Variants in SH3KBP1 observed in about 807,000 individuals in gnomAD.
The protein encoded by SH3KBP1 is SH3 domain-containing kinase-binding protein 1.
In SH3KBP1, 8 loss-of-function variants were observed where a neutral mutation model predicts 50.1. The observed-to-expected ratio is 0.16, with a 90% CI of 0.09 to 0.29. SH3KBP1 has a LOEUF of 0.29. Among genes scored for constraint, SH3KBP1 ranks in the 10% least tolerant of loss-of-function variants. The pLI, the probability that SH3KBP1 is intolerant of heterozygous loss-of-function variation, is 1.00. For synonymous variants in SH3KBP1, 227 were observed against 218.6 expected (o/e 1.04, Z -0.34); for missense variants, 377 against 535.2 (o/e 0.70, Z 2.92).
At chrX:19,543,441 G>A (rs2064993584) in intron 15 of SH3KBP1, among the ~76,000 whole-genome samples, 1 of 111,880 alleles carries the variant, frequency 8.9e-6, no homozygotes, top group Non-Finnish European at 1.9e-5. Flanking sequence ...AAGGAACGAA[G>A]TGGTTGCATG....
At chrX:19,799,271 G>A (rs2066822426) in intron 2 of SH3KBP1, among the ~76,000 whole-genome samples, 1 of 111,313 alleles carries the variant, frequency 9.0e-6, no homozygotes, top group Admixed American at 9.5e-5. Context: ...GCAGCTATCT[G>A]TGTGCCGTGT....
chrX:19,807,837 C>T (rs2067094627), intron 2 of SH3KBP1, among the ~76,000 whole-genome samples: 1 of 112,554 alleles, frequency 8.9e-6, no homozygotes, highest in Non-Finnish European at 1.9e-5. Context: ...TCTCTTCAGA[C>T]TGCTTTTACC....
At position 19,753,567 on chromosome X, in the gene SH3KBP1, G is replaced by A. The variant is rs367711683; in HGVS notation, c.163-7126C>T. Among the ~76,000 whole-genome samples, 9 of 110,717 alleles carry A rather than the reference G, an allele frequency of 8.1e-5. No individual in the cohort carries two copies. In the East Asian group the frequency reaches 2.0e-3, roughly 24 times the overall value. The stretch of plus-strand genomic sequence containing the variant: ...TATGTTCCCTTCGTGCAGAGACTGT[G>A]CCTTCCCAGTATTTGGCTCTCTTCA... On this transcript the variant is annotated intron_variant, in intron 2 of 17. Coordinates refer to ENST00000397821, the MANE Select transcript of SH3KBP1 (RefSeq NM_031892.3).
At chrX:19,652,229 C>T (rs1460643186) in intron 6 of SH3KBP1, among the ~76,000 whole-genome samples, 4 of 111,461 alleles carry the variant, frequency 3.6e-5, no homozygotes, top group African/African-American at 9.8e-5. Context: ...TCCGGGGCCT[C>T]GGTTGCCCTT....
chrX:19,620,621 G>T (rs1039073956), intron 8 of SH3KBP1, among the ~76,000 whole-genome samples: 1 of 111,787 alleles, frequency 8.9e-6, no homozygotes, highest in Non-Finnish European at 1.9e-5. Flanking sequence ...CACCACAGGG[G>T]AGAAAGGGCA....
intron 4 of SH3KBP1, among the ~76,000 whole-genome samples, chrX:19,704,199 T>C (rs1039460609): frequency 8.9e-6 from 1 of 112,410 alleles, no homozygotes; most frequent in Non-Finnish European, 1.9e-5. Context: ...AAGTCCAGAA[T>C]GACGAACAGG....
intron 6 of SH3KBP1, among the ~76,000 whole-genome samples, chrX:19,675,112 G>A (rs2062895209): frequency 9.5e-6 from 1 of 105,631 alleles, no homozygotes. Flanking sequence ...TAAATAAATA[G>A]AAATAACCCT....
intron 6 of SH3KBP1, among the ~76,000 whole-genome samples, chrX:19,668,959 TATATATATATA>T (rs1283929799): frequency 2.0e-4 from 16 of 78,710 alleles, no homozygotes; most frequent in African/African-American, 6.1e-4. Context: ...TATATATATA[TATATATATATA>T]TATATTTTTT....
At chrX:19,802,198 G>A (rs2066913648) in intron 2 of SH3KBP1, among the ~76,000 whole-genome samples, 1 of 110,706 alleles carries the variant, frequency 9.0e-6, no homozygotes, top group African/African-American at 3.3e-5. Flanking sequence ...TTCGAGACCA[G>A]CCTGGCCAAC....
chrX:19,752,413 T>C (rs1191878315), intron 2 of SH3KBP1, among the ~76,000 whole-genome samples: 1 of 112,515 alleles, frequency 8.9e-6, no homozygotes, highest in Non-Finnish European at 1.9e-5. Context: ...CAAATACTAT[T>C]TTAAAAAGAA....
At chrX:19,877,896 G>C (rs971535594) in intron 1 of SH3KBP1, among the ~76,000 whole-genome samples, 4 of 112,338 alleles carry the variant, frequency 3.6e-5, no homozygotes, top group Non-Finnish European at 5.6e-5. Context: ...GCCTCCAGCA[G>C]TGCCCCCACC....
intron 2 of SH3KBP1, among the ~76,000 whole-genome samples, chrX:19,753,232 A>C (rs993087575): frequency 1.3e-4 from 14 of 111,963 alleles, no homozygotes; most frequent in African/African-American, 4.5e-4. Context: ...GACATCATTC[A>C]TCAGCCTGCC....
At chrX:19,853,737 C>T (rs1260321752) in intron 1 of SH3KBP1, among the ~76,000 whole-genome samples, 1 of 111,116 alleles carries the variant, frequency 9.0e-6, no homozygotes, top group Non-Finnish European at 1.9e-5. Context: ...CCAAGGCGGG[C>T]AGCTCACCTG....
Position 19,875,969 on chromosome X carries a change from C to T in SH3KBP1, c.4+11338G>A, listed in dbSNP as rs751875151. ...CCCCAGAATAAGCATCCCTTTTGCT[C>T]AGGTTAGCGGGCCCTGCTTGGCTTC... On this transcript the variant is annotated intron_variant, in intron 1 of 17. Transcript: ENST00000397821. 3.6e-5 allele frequency among the ~76,000 whole-genome samples: 4 copies of T among 112,318 alleles called. No individual in the cohort carries two copies. The East Asian group carries it at 8.4e-4, about 24-fold the overall frequency.
chrX:19,641,171 T>G (rs769877890), intron 7 of SH3KBP1, among the ~76,000 whole-genome samples: 1 of 112,119 alleles, frequency 8.9e-6, no homozygotes, highest in Non-Finnish European at 1.9e-5. Flanking sequence ...CTTAGGCCGA[T>G]TGGGAGAGCA....
intron 5 of SH3KBP1, among the ~76,000 whole-genome samples, chrX:19,694,466 TC>T (rs773270289): frequency 1.8e-5 from 2 of 109,202 alleles, no homozygotes; most frequent in Non-Finnish European, 3.8e-5. Flanking sequence ...ACACCTCGTT[TC>T]CCCCCCCAAC....
intron 2 of SH3KBP1, among the ~76,000 whole-genome samples, chrX:19,758,683 G>T (rs902648125): frequency 9.0e-6 from 1 of 111,477 alleles, no homozygotes; most frequent in Admixed American, 9.5e-5. Context: ...TCACGTGCTA[G>T]ATAAAAAGCT....
intron 2 of SH3KBP1, among the ~76,000 whole-genome samples, chrX:19,816,071 T>G (rs1450774964): frequency 8.9e-6 from 1 of 112,377 alleles, no homozygotes; most frequent in Non-Finnish European, 1.9e-5. Context: ...TATAACAAAC[T>G]GCCAAACTAT....
At position 19,561,403 on chromosome X, in the gene SH3KBP1, T is replaced by A. The variant is rs143809693; in HGVS notation, c.1384+7700A>T. On this transcript the variant is annotated intron_variant, in intron 13 of 17. Transcript: ENST00000397821. The stretch of plus-strand genomic sequence containing the variant: ...TCTGAAAAATCTGACACTCCATGAC[T>A]TTTTCTTAGGAAAAAAATTACAAGT... Among the ~76,000 whole-genome samples the A allele has an allele frequency of 2.3e-3, 261 of 111,360 alleles. 1 individual carries two copies. The highest frequency in any genetic ancestry group is 7.6e-3 in the African/African-American group (233 of 30,634).
Sources: allele counts gnomAD v4.1 joint callset (sites outside exome capture counted in the v4.1 genomes callset), GRCh38; gene constraint gnomAD v4.1.1; transcripts MANE v1.5; gene names NCBI Gene and HGNC (gene_info 2026-07-23, HGNC 2026-07-21).